TRPM3: variants seen among roughly 807,000 people sequenced by gnomAD.
TRPM3 encodes the protein long transient receptor potential channel 3.
Under a neutral mutation model 181.2 loss-of-function variants are expected in TRPM3, and 77 were observed. The observed-to-expected ratio is 0.42, with a 90% confidence interval of 0.35 to 0.51. TRPM3 has a LOEUF of 0.51. TRPM3 is among the 20% of genes least tolerant of loss of function. TRPM3 has a pLI of 0.01. For synonymous variants in TRPM3, 745 were observed against 796.4 expected, an observed-to-expected ratio of 0.94 and a Z score of 1.09; for missense variants, 1,759 against 2,196.7, an observed-to-expected ratio of 0.80 and a Z score of 3.98.
At chr9:70,901,803 C>T (rs2096390995) in intron 1 of TRPM3, among the ~76,000 whole-genome samples, 1 of 152,152 alleles carries the variant, frequency 6.6e-6, no homozygotes, top group Admixed American at 6.5e-5. Context: ...TATTAATTTC[C>T]AAGTTATTAA....
intron 1 of TRPM3, among the ~76,000 whole-genome samples, chr9:71,268,669 A>G (rs2083559317): frequency 6.6e-6 from 1 of 151,918 alleles, no homozygotes; most frequent in South Asian, 2.1e-4. Context: ...GAAAAATACA[A>G]AAATTAGCCA....
At chr9:70,828,587 G>T (rs2093694949) in intron 5 of TRPM3, among the ~76,000 whole-genome samples, 1 of 151,844 alleles carries the variant, frequency 6.6e-6, no homozygotes, top group Non-Finnish European at 1.5e-5. Context: ...TCATGAGATA[G>T]ATATGAATCA....
At chr9:71,086,824 T>C (rs1696046057) in intron 1 of TRPM3, among the ~76,000 whole-genome samples, 1 of 152,046 alleles carries the variant, frequency 6.6e-6, no homozygotes, top group Admixed American at 6.6e-5. Flanking sequence ...TAGGCAGAGC[T>C]AGGAGTAGGT....
intron 1 of TRPM3, among the ~76,000 whole-genome samples, chr9:71,096,544 C>G (rs532325671): frequency 2.8e-5 from 4 of 143,026 alleles, no homozygotes; most frequent in South Asian, 4.7e-4. Flanking sequence ...TTGGAACCCC[C>G]ATCCTGTGAG....
At chr9:70,594,796 G>T (rs922066725) in intron 21 of TRPM3, among the ~76,000 whole-genome samples, 1 of 152,190 alleles carries the variant, frequency 6.6e-6, no homozygotes, top group Non-Finnish European at 1.5e-5. Flanking sequence ...TGGCTGTTTT[G>T]TGCTTAATGG....
chr9:71,183,490 C>T (rs917996705), intron 1 of TRPM3, among the ~76,000 whole-genome samples: 7 of 152,234 alleles, frequency 4.6e-5, no homozygotes, highest in Admixed American at 3.9e-4. Flanking sequence ...GGCTGCTTCT[C>T]CTGCAAATCA....
At chr9:70,640,730 C>A in intron 9 of TRPM3, 70 bp from the exon 10 acceptor site, 1 of 1,188,242 alleles carries the variant, frequency 8.4e-7, no homozygotes, top group South Asian at 1.3e-5. Flanking sequence ...ACCAAGAGCG[C>A]CTGCTCCATC....
At chr9:71,362,038 A>G (rs2092167988) in intron 1 of TRPM3, among the ~76,000 whole-genome samples, 1 of 152,172 alleles carries the variant, frequency 6.6e-6, no homozygotes, top group African/African-American at 2.4e-5. Context: ...TTAAAATCAC[A>G]TACTACTTAA....
chr9:70,903,624 A>G (rs2096418147), intron 1 of TRPM3, among the ~76,000 whole-genome samples: 1 of 152,216 alleles, frequency 6.6e-6, no homozygotes, highest in Non-Finnish European at 1.5e-5. Context: ...TATCAAAAGG[A>G]AATGTAAAAG....
At chr9:71,002,885 T>C (rs796731762) in intron 1 of TRPM3, among the ~76,000 whole-genome samples, 15 of 152,248 alleles carry the variant, frequency 9.9e-5, no homozygotes, top group African/African-American at 3.4e-4. Context: ...AAATATAATA[T>C]TGATAAGTAT....
intron 1 of TRPM3, among the ~76,000 whole-genome samples, chr9:71,183,691 A>G (rs763200398): frequency 7.2e-5 from 11 of 152,206 alleles, no homozygotes; most frequent in Admixed American, 1.3e-4. Context: ...TTGACTTTCT[A>G]TCACATTCTT....
rs574103228 is a variant in TRPM3, at chr9:70,968,798, T to C, written c.178-104287A>G. Among the ~76,000 whole-genome samples, 8 of 152,270 alleles carry C rather than the reference T, an allele frequency of 5.3e-5. No homozygotes were observed. The South Asian group carries it at 1.7e-3, about 32-fold the overall frequency. ...TATAGATAAACGGTGTTGGGAAAAC[T>C]GGCTAGCCATATGCAGAAAGCTGAA... On this transcript the variant is annotated intron_variant, in intron 1 of 25. Transcript: ENST00000677713.
At chr9:71,272,604 G>C (rs1325093341) in intron 1 of TRPM3, among the ~76,000 whole-genome samples, 1 of 151,962 alleles carries the variant, frequency 6.6e-6, no homozygotes, top group South Asian at 2.1e-4. Flanking sequence ...ATATCCACTG[G>C]AACAGGCTCA....
chr9:70,645,294 C>T (rs1020856842), intron 9 of TRPM3, among the ~76,000 whole-genome samples: 1 of 152,150 alleles, frequency 6.6e-6, no homozygotes, highest in African/African-American at 2.4e-5. Context: ...CATCACACTT[C>T]CCATCTTCAA....
chr9:71,058,662 C>A lies in TRPM3; in HGVS notation c.177+62516G>T, dbSNP rs1233633932. Among the ~76,000 whole-genome samples the A allele has an allele frequency of 3.3e-5, 5 of 151,962 alleles. No individual in the cohort carries two copies. The South Asian group carries it at 8.3e-4, about 25-fold the overall frequency. Reference sequence around the variant, plus strand: ...TGTAAATAACCTGTAATAGACATAACGCCATAAGTCACGTTAAATTAACTT... The same window carrying A: ...TGTAAATAACCTGTAATAGACATAAAGCCATAAGTCACGTTAAATTAACTT... On this transcript the variant is annotated intron_variant, in intron 1 of 25. Transcript: ENST00000677713.
chr9:70,889,861 G>T (rs2096166098), intron 1 of TRPM3, among the ~76,000 whole-genome samples: 1 of 150,576 alleles, frequency 6.6e-6, no homozygotes, highest in African/African-American at 2.4e-5. Flanking sequence ...ATAGTAAAAA[G>T]TGTATATATG....
intron 1 of TRPM3, among the ~76,000 whole-genome samples, chr9:71,082,240 G>A (rs554694650): frequency 6.6e-6 from 1 of 152,274 alleles, no homozygotes; most frequent in East Asian, 1.9e-4. Context: ...CAATTTGTTT[G>A]CTTTAGATTT....
At chr9:70,748,093 A>C (rs979317856) in intron 8 of TRPM3, among the ~76,000 whole-genome samples, 2 of 152,196 alleles carry the variant, frequency 1.3e-5, no homozygotes, top group Non-Finnish European at 2.9e-5. Flanking sequence ...AGTGTTAAAG[A>C]AACAGAAAAT....
intron 1 of TRPM3, among the ~76,000 whole-genome samples, chr9:70,969,115 T>C (rs1365170588): frequency 2.0e-5 from 3 of 152,212 alleles, no homozygotes; most frequent in Non-Finnish European, 4.4e-5. Flanking sequence ...TCTATCCATC[T>C]GACAAAGGAC....
Sources: allele counts gnomAD v4.1 joint callset (sites outside exome capture counted in the v4.1 genomes callset), GRCh38; gene constraint gnomAD v4.1.1; transcripts MANE v1.5; gene names NCBI Gene and HGNC (gene_info 2026-07-23, HGNC 2026-07-21).